Variants in ATE1 observed in about 807,000 individuals in gnomAD.
The protein encoded by ATE1 is arginyl-tRNA--protein transferase 1.
In ATE1, 36 loss-of-function variants were observed where a neutral mutation model predicts 70.5. The observed-to-expected ratio is 0.51, with a 90% confidence interval of 0.39 to 0.67. ATE1 has a LOEUF of 0.67. ATE1 is among the 30% of genes least tolerant of loss of function. ATE1 has a pLI of 0.00. For missense variants in ATE1, 593 were observed against 629.5 expected (o/e 0.94, Z 0.62); for synonymous variants, 232 against 219.3 (o/e 1.06, Z -0.51).
At chr10:121,765,470 T>C (rs1945241722) in intron 11 of ATE1, among the ~76,000 whole-genome samples, 1 of 152,214 alleles carries the variant, frequency 6.6e-6, no homozygotes, top group Non-Finnish European at 1.5e-5. Flanking sequence ...AATTAGACTG[T>C]GCGAGTGGGG....
upstream of ATE1, chr10:121,928,225 A>G (rs909660970): frequency 2.2e-6 from 3 of 1,334,178 alleles, no homozygotes; most frequent in African/African-American, 3.1e-5. Context: ...GAAGGGAAAC[A>G]GGATGGGGAG....
chr10:121,907,545 C>A (rs768059902), intron 5 of ATE1, among the ~76,000 whole-genome samples: 1 of 151,892 alleles, frequency 6.6e-6, no homozygotes, highest in Non-Finnish European at 1.5e-5. Flanking sequence ...GAGGCCGAGG[C>A]GGATGGATCA....
At chr10:121,800,839 C>G (rs1039751764) in intron 10 of ATE1, among the ~76,000 whole-genome samples, 2 of 152,086 alleles carry the variant, frequency 1.3e-5, no homozygotes, top group Admixed American at 1.3e-4. Flanking sequence ...GTGGGCTGTA[C>G]CCCCAGAGAA....
intron 7 of ATE1, chr10:121,899,009 A>G (rs1431726297): frequency 2.7e-5 from 44 of 1,602,484 alleles, no homozygotes; most frequent in Non-Finnish European, 3.5e-5. Context: ...CTATTGAAAC[A>G]TCTCTGATGA....
At chr10:121,835,796 G>A (rs1159091610) in intron 10 of ATE1, among the ~76,000 whole-genome samples, 1 of 152,100 alleles carries the variant, frequency 6.6e-6, no homozygotes, top group African/African-American at 2.4e-5. Flanking sequence ...GGGTGGAGGT[G>A]GCAATGAAGG....
intron 1 of ATE1, chr10:121,927,274 C>A (rs938650512): frequency 3.0e-6 from 3 of 984,470 alleles, no homozygotes; most frequent in African/African-American, 3.5e-5. Flanking sequence ...TCAAACAGAT[C>A]AGGACAAACA....
At chr10:121,907,392 G>A (rs2134385746) in intron 5 of ATE1, among the ~76,000 whole-genome samples, 1 of 152,134 alleles carries the variant, frequency 6.6e-6, no homozygotes, top group East Asian at 1.9e-4. Context: ...TTAAACCCGG[G>A]AAGCAGAGGT....
chr10:121,873,788 C>G (rs1045757395), intron 7 of ATE1, among the ~76,000 whole-genome samples: 3 of 151,720 alleles, frequency 2.0e-5, no homozygotes, highest in South Asian at 2.1e-4. Flanking sequence ...TCCTGAAATG[C>G]CTTATTTGTT....
rs1227128860 is a variant in ATE1, at chr10:121,863,759, GC to G, written c.975+6246del. 6.6e-5 allele frequency among the ~76,000 whole-genome samples: 10 copies of G among 152,218 alleles called. No individual in the cohort carries two copies. In the East Asian group the frequency reaches 1.9e-3, roughly 29 times the overall value. On this transcript the variant is annotated intron_variant, in intron 8 of 11. Coordinates refer to ENST00000224652, the MANE Select transcript of ATE1 (RefSeq NM_001001976.3). Reference sequence around the variant, plus strand: ...CTCACAGCTGGGACTACAGGCACACGCCACTACGCCCAGATAATTTTTTTAT... The same window carrying G: ...CTCACAGCTGGGACTACAGGCACACGCACTACGCCCAGATAATTTTTTTAT...
At chr10:121,787,912 T>C (rs941602500) in intron 11 of ATE1, among the ~76,000 whole-genome samples, 4 of 152,156 alleles carry the variant, frequency 2.6e-5, no homozygotes, top group Admixed American at 6.5e-5. Context: ...CTAAGTATTA[T>C]GTAAGAAGAA....
intron 10 of ATE1, among the ~76,000 whole-genome samples, chr10:121,829,570 G>T (rs1341457157): frequency 2.6e-5 from 4 of 151,758 alleles, no homozygotes; most frequent in Non-Finnish European, 5.9e-5. Flanking sequence ...TTAGCCGGGC[G>T]TGGTGGTACG....
At chr10:121,808,216 C>T (rs1022491124) in intron 10 of ATE1, among the ~76,000 whole-genome samples, 1 of 152,166 alleles carries the variant, frequency 6.6e-6, no homozygotes, top group Non-Finnish European at 1.5e-5. Flanking sequence ...ATAAAACAGC[C>T]ATGTTTTTAA....
intron 10 of ATE1, among the ~76,000 whole-genome samples, chr10:121,807,378 G>A (rs1947137483): frequency 6.6e-6 from 1 of 152,078 alleles, no homozygotes; most frequent in Admixed American, 6.6e-5. Flanking sequence ...AAATCACATG[G>A]AAGAACTCAC....
intron 10 of ATE1, among the ~76,000 whole-genome samples, chr10:121,815,172 G>GTC (rs1947486614): frequency 6.6e-6 from 1 of 152,222 alleles, no homozygotes; most frequent in Admixed American, 6.5e-5. Flanking sequence ...GAGTCTCGCT[G>GTC]TCGCCCAGGC....
chr10:121,816,885 T>C (rs999112171), intron 10 of ATE1, among the ~76,000 whole-genome samples: 5 of 152,236 alleles, frequency 3.3e-5, no homozygotes, highest in African/African-American at 7.2e-5. Flanking sequence ...ATTTATAATA[T>C]TATACAGGAC....
chr10:121,904,839 T>C (rs1951130565), intron 5 of ATE1, among the ~76,000 whole-genome samples: 1 of 152,134 alleles, frequency 6.6e-6, no homozygotes, highest in Non-Finnish European at 1.5e-5. Context: ...AATAGTGAGT[T>C]CACAAACAGT....
chr10:121,741,242 T>C lies in ATE1; in HGVS notation c.*2438A>G, dbSNP rs537347788. On this transcript the variant is annotated 3_prime_UTR_variant, in exon 12 of 12. Transcript: ENST00000224652. ...TTGACTATGCTTTTCTAGTCCACTATCAGTATTCACTCAGCTGGGGCTCAA... is the reference window on the plus strand; with the variant it reads ...TTGACTATGCTTTTCTAGTCCACTACCAGTATTCACTCAGCTGGGGCTCAA... 24 of 152,220 alleles carry C rather than the reference T, an allele frequency of 1.6e-4. No individual in the cohort carries two copies. The highest frequency in any genetic ancestry group is 2.6e-4 in the Non-Finnish European group (18 of 68,044). The allele number at this position is 152,220 out of a possible 1,614,324, so 9.4% of individuals were successfully genotyped here.
chr10:121,751,080 A>G (rs1944558786), intron 11 of ATE1, among the ~76,000 whole-genome samples: 2 of 152,256 alleles, frequency 1.3e-5, no homozygotes, highest in African/African-American at 2.4e-5. Context: ...CAAGGCTCCC[A>G]GCCCATTCTT....
chr10:121,740,983 G>A lies in ATE1; in HGVS notation c.*2697C>T, dbSNP rs964357910. 1.3e-5 allele frequency: 2 copies of A among 152,146 alleles called. No individual in the cohort carries two copies. The highest frequency in any genetic ancestry group is 4.8e-5 in the African/African-American group (2 of 41,426). The allele number at this position is 152,146 out of a possible 1,614,324, so 9.4% of individuals were successfully genotyped here. A position where few individuals can be genotyped will look rare whatever the true frequency, so the allele number is the denominator to read the frequency against. ...AATGGAAATAATTTAAATAAGGACGGTAGCAAGGGGAATTGAAATTACATC... is the reference window on the plus strand; with the variant it reads ...AATGGAAATAATTTAAATAAGGACGATAGCAAGGGGAATTGAAATTACATC... On this transcript the variant is annotated 3_prime_UTR_variant, in exon 12 of 12. Transcript: ENST00000224652.
Sources: gnomAD v4.1 joint callset for allele counts (sites outside exome capture counted in the v4.1 genomes callset) on GRCh38, gnomAD v4.1.1 for gene constraint, MANE v1.5 for transcripts, NCBI Gene and HGNC (gene_info 2026-07-23, HGNC 2026-07-21) for gene names.